The following ITGA11 variants were observed in gnomAD, a reference collection of about 807,000 sequenced individuals.
ITGA11 encodes the protein integrin subunit alpha 11, also known as integrin alpha-11.
ITGA11 carries 97 observed loss-of-function variants against 141.9 expected under a neutral mutation model. The ratio of observed to expected loss-of-function variants is 0.68; its 90% confidence interval spans 0.58 to 0.81. The LOEUF is 0.81. Among genes scored for constraint, ITGA11 ranks in the 30% least tolerant of loss-of-function variants. The probability of loss-of-function intolerance (pLI) is 0.00; values close to 1 mark genes in which losing one functional copy is unlikely to be tolerated. For synonymous variants in ITGA11, 658 were observed against 624.6 expected, an observed-to-expected ratio of 1.05 and a Z score of -0.80; for missense variants, 1,387 against 1,559.2, an observed-to-expected ratio of 0.89 and a Z score of 1.86.
In ITGA11 at chr15:68,324,268, T is replaced by G. The variant is rs557374053; in HGVS notation, c.2322+863A>C. Among the ~76,000 whole-genome samples, 1 of 152,208 alleles carries G rather than the reference T, an allele frequency of 6.6e-6. No homozygotes were observed. Among genetic ancestry groups the G allele is most frequent in the Admixed American group, 6.5e-5 (1 of 15,290 alleles). On this transcript the variant is annotated intron_variant, in intron 18 of 29. Coordinates refer to ENST00000315757, the MANE Select transcript of ITGA11 (RefSeq NM_001004439.2). The surrounding 1 kb of genome is among the most constrained non-coding windows in gnomAD (Gnocchi z 6.3). ...GGTTTTCAGGGGCATTGCTGTGGAC[T>G]GTACGGTCCTTTCCTGGTGTTGAAG... is the stretch of plus-strand genomic sequence containing the variant.
intron 3 of ITGA11, 101 bp from the exon 4 acceptor site, chr15:68,364,899 CCT>C (rs1895368516): frequency 1.7e-6 from 2 of 1,162,986 alleles, no homozygotes; most frequent in Admixed American, 3.8e-5. Context: ...CCCGATTCTC[CCT>C]GACCCTGGGG....
chr15:68,348,567 T>C (rs532626840), intron 10 of ITGA11, among the ~76,000 whole-genome samples: 2 of 152,322 alleles, frequency 1.3e-5, no homozygotes, highest in African/African-American at 4.8e-5. Flanking sequence ...TCCTACAGAT[T>C]GTACGTTATT....
Position 68,331,090 on chromosome 15 carries a change from C to T in ITGA11, c.1792G>A (p.Ala598Thr), listed in dbSNP as rs1280978210. 3.1e-6 allele frequency: 5 copies of T among 1,601,316 alleles called. No individual in the cohort carries two copies. The highest frequency in any genetic ancestry group is 3.3e-4 in the Middle Eastern group (2 of 6,042). ...CAGCCAAAATACTGGAGGCCGGTAG[C>T]CAGCTCTGAGGCTGTGATTCTCTGC... is the stretch of plus-strand genomic sequence containing the variant. ...PKQRITASEL[A>T]TGLQYFGCSI... Residue 598 changes from alanine (A) to threonine (T), a missense_variant, in exon 15 of 30, where the codon GCT becomes ACT. Transcript: ENST00000315757.
chr15:68,358,649 G>A (rs1895148025), intron 5 of ITGA11, 64 bp from the exon 6 acceptor site: 3 of 1,523,364 alleles, frequency 2.0e-6, no homozygotes, highest in Middle Eastern at 1.8e-4. Flanking sequence ...CTGATTCTCT[G>A]GACAATTGTT....
rs528422400 is a variant in ITGA11, at chr15:68,345,939, C to T, written c.1131+2891G>A. On this transcript the variant is annotated intron_variant, in intron 10 of 29. Transcript: ENST00000315757. ...TCACAGAGCCAGCCAGCCCATCATG[C>T]TTGCACCATTCCTGTGCATTTGAAA... Among the ~76,000 whole-genome samples the T allele has an allele frequency of 3.3e-5, 5 of 152,332 alleles. No individual in the cohort carries two copies. The South Asian group carries it at 1.0e-3, about 32-fold the overall frequency.
chr15:68,378,742 G>T (rs74676366), intron 2 of ITGA11, among the ~76,000 whole-genome samples: 1 of 152,128 alleles, frequency 6.6e-6, no homozygotes, highest in Non-Finnish European at 1.5e-5. Flanking sequence ...TCATGAAGTC[G>T]GTAGATACAA....
intron 10 of ITGA11, among the ~76,000 whole-genome samples, chr15:68,342,107 C>G (rs1595867966): frequency 6.6e-6 from 1 of 152,278 alleles, no homozygotes; most frequent in South Asian, 2.1e-4. Flanking sequence ...CTCTTCCCAG[C>G]TGGGGAAGCC....
intron 1 of ITGA11, among the ~76,000 whole-genome samples, chr15:68,429,462 C>CT (rs754945006): frequency 4.0e-5 from 6 of 151,588 alleles, no homozygotes; most frequent in African/African-American, 7.3e-5. Flanking sequence ...GACTTGATTA[C>CT]TTTTTTTTTA....
intron 2 of ITGA11, among the ~76,000 whole-genome samples, chr15:68,377,533 A>C (rs1895758739): frequency 6.6e-6 from 1 of 152,174 alleles, no homozygotes; most frequent in Non-Finnish European, 1.5e-5. Flanking sequence ...CAGCCTCCCA[A>C]GGTGCTGGGA....
chr15:68,350,413 C>T (rs542481182), intron 9 of ITGA11, among the ~76,000 whole-genome samples: 42 of 152,228 alleles, frequency 2.8e-4, no homozygotes, highest in Non-Finnish European at 5.1e-4. Flanking sequence ...TGGTCTTGAA[C>T]TCCTGAACTG....
In ITGA11 at chr15:68,326,413, C is replaced by T. The variant is rs552495594; in HGVS notation, c.2211+241G>A. On this transcript the variant is annotated intron_variant, in intron 17 of 29. Coordinates refer to ENST00000315757, the MANE Select transcript of ITGA11 (RefSeq NM_001004439.2). This position sits in a 1 kb window ranked among gnomAD's most constrained non-coding sequence, Gnocchi z 6.8. ...CCTACTGAGCCCACCTTCCTCCCTTCGGCATCTGAGAGTGGCAGGAGAAGA... is the reference window on the plus strand; with the variant it reads ...CCTACTGAGCCCACCTTCCTCCCTTTGGCATCTGAGAGTGGCAGGAGAAGA... 3.3e-5 allele frequency among the ~76,000 whole-genome samples: 5 copies of T among 152,244 alleles called. No homozygotes were observed. Among genetic ancestry groups the T allele is most frequent in the South Asian group, 2.1e-4 (1 of 4,806 alleles).
Position 68,307,635 on chromosome 15 carries a change from T to G in ITGA11, c.3236A>C (p.Glu1079Ala). The change falls in exon 27 of 30, where the codon GAA becomes GCA. Residue 1079 changes from glutamate to alanine, a missense_variant. Coordinates refer to ENST00000315757, the MANE Select transcript of ITGA11 (RefSeq NM_001004439.2). This position sits in a 1 kb window ranked among gnomAD's most constrained non-coding sequence, Gnocchi z 6.1. ...GTTCCCCAGTAGATGGAAATTGATT[T>G]CCTGGTTGGGGACCAGCCGTATATT... ...NCNIRLVPNQ[E>A]INFHLLGNLW... The G allele has an allele frequency of 6.2e-7, 1 of 1,613,920 alleles. No individual in the cohort carries two copies. The highest frequency in any genetic ancestry group is 8.5e-7 in the Non-Finnish European group (1 of 1,179,846).
intron 18 of ITGA11, among the ~76,000 whole-genome samples, chr15:68,323,821 G>A (rs1271199182): frequency 1.3e-5 from 2 of 152,144 alleles, no homozygotes; most frequent in Admixed American, 6.5e-5. Context: ...CTCCAGGAAG[G>A]CCCTCTGACC....
chr15:68,365,130 T>C (rs1895377407), intron 3 of ITGA11: 3 of 985,144 alleles, frequency 3.0e-6, no homozygotes, highest in African/African-American at 1.7e-5. Context: ...CCCCCAAGCA[T>C]GCCATGGCAT....
At chr15:68,323,103 CCT>C (rs1230010076) in intron 18 of ITGA11, among the ~76,000 whole-genome samples, 2 of 152,026 alleles carry the variant, frequency 1.3e-5, no homozygotes. Context: ...GCTCTCTGGC[CCT>C]CAGTCAGATC....
intron 3 of ITGA11, among the ~76,000 whole-genome samples, chr15:68,366,990 T>TC (rs1167583804): frequency 1.3e-5 from 2 of 152,134 alleles, no homozygotes. Context: ...AACCCAGGAC[T>TC]CAGGTTTCCC....
rs183870366 is a variant in ITGA11, at chr15:68,374,946, G to A, written c.165-5662C>T. ...ATTTTGATCTCCAGGACAGCTTTGG[G>A]GCTGGCAGAGCAGTTTGTGTCTGAG... is the stretch of plus-strand genomic sequence containing the variant. On this transcript the variant is annotated intron_variant, in intron 2 of 29. Coordinates refer to ENST00000315757, the MANE Select transcript of ITGA11 (RefSeq NM_001004439.2). Among the ~76,000 whole-genome samples, 63 of 152,308 alleles carry A rather than the reference G, an allele frequency of 4.1e-4. 2 individuals carry two copies. Among genetic ancestry groups the A allele is most frequent in the Admixed American group, 3.5e-3 (54 of 15,306 alleles).
intron 10 of ITGA11, among the ~76,000 whole-genome samples, chr15:68,340,310 G>A (rs1202488764): frequency 6.6e-6 from 1 of 152,142 alleles, no homozygotes; most frequent in East Asian, 1.9e-4. Flanking sequence ...TTGAGATGGG[G>A]GTCAGGAAAA....
chr15:68,399,365 T>C (rs907232222), intron 2 of ITGA11, among the ~76,000 whole-genome samples: 29 of 152,132 alleles, frequency 1.9e-4, no homozygotes, highest in African/African-American at 6.8e-4. Context: ...GCTTATACAC[T>C]GTTGGTGGGA....
Sources: allele counts gnomAD v4.1 joint callset (sites outside exome capture counted in the v4.1 genomes callset), GRCh38; gene constraint gnomAD v4.1.1; non-coding constraint Gnocchi (gnomAD v3.1); transcripts MANE v1.5; gene names NCBI Gene and HGNC (gene_info 2026-07-23, HGNC 2026-07-21).